MYO1E: variants seen among roughly 807,000 people sequenced by gnomAD.
MYO1E encodes unconventional myosin-Ie.
A neutral mutation model predicts 151.1 loss-of-function variants in MYO1E; 68 were observed. The ratio of observed to expected loss-of-function variants is 0.45; its 90% CI spans 0.37 to 0.55. The LOEUF (loss-of-function observed/expected upper bound fraction) is 0.55, where lower values mean the gene tolerates loss of function less well. Ranked by LOEUF, MYO1E falls within the 20% of genes least tolerant of loss-of-function variation. The pLI is 0.00. For synonymous variants in MYO1E, 601 were observed against 501.7 expected (o/e 1.20, Z -2.64); for missense variants, 1,363 against 1,389.3 (o/e 0.98, Z 0.30).
At chr15:59,195,012 C>G (rs1392686822) in intron 17 of MYO1E, among the ~76,000 whole-genome samples, 5 of 151,952 alleles carry the variant, frequency 3.3e-5, no homozygotes, top group African/African-American at 9.7e-5. Context: ...AGTGTCTTCA[C>G]GAGGCACAGC....
At chr15:59,361,767 T>C (rs1472640447) in intron 1 of MYO1E, among the ~76,000 whole-genome samples, 3 of 152,182 alleles carry the variant, frequency 2.0e-5, no homozygotes. Context: ...CCTTTCCTCT[T>C]TCCCCCTTCA....
intron 18 of MYO1E, among the ~76,000 whole-genome samples, chr15:59,182,745 T>C (rs1348094769): frequency 6.6e-6 from 1 of 152,174 alleles, no homozygotes; most frequent in Non-Finnish European, 1.5e-5. Context: ...CATGGAATCA[T>C]GAAGCTGGCA....
intron 1 of MYO1E, among the ~76,000 whole-genome samples, chr15:59,285,647 C>T (rs892364315): frequency 6.6e-6 from 1 of 151,764 alleles, no homozygotes; most frequent in African/African-American, 2.4e-5. Context: ...CCACGCCCGA[C>T]TAGACACTGT....
intron 26 of MYO1E, among the ~76,000 whole-genome samples, chr15:59,143,321 G>C (rs1234938996): frequency 5.9e-5 from 9 of 152,132 alleles, no homozygotes; most frequent in African/African-American, 2.2e-4. Context: ...TGGATAGTGG[G>C]GACTGTCTGA....
intron 1 of MYO1E, among the ~76,000 whole-genome samples, chr15:59,334,477 TAA>T (rs11287543): frequency 4.6e-3 from 667 of 145,690 alleles, no homozygotes; most frequent in East Asian, 5.2e-3. Context: ...TTGTTTTTCT[TAA>T]AAAAAAAAAA....
chr15:59,186,615 GT>G (rs1290813985), intron 18 of MYO1E, among the ~76,000 whole-genome samples: 1 of 152,136 alleles, frequency 6.6e-6, no homozygotes, highest in Non-Finnish European at 1.5e-5. Flanking sequence ...TCTGGGCATG[GT>G]GATGCATGCC....
chr15:59,287,669 T>C (rs879432115), intron 1 of MYO1E, among the ~76,000 whole-genome samples: 9 of 152,226 alleles, frequency 5.9e-5, no homozygotes, highest in Non-Finnish European at 1.3e-4. Context: ...GGAGTCTGCA[T>C]GTTTTTCCCA....
chr15:59,367,806 A>AGAT (rs2080922904), intron 1 of MYO1E, among the ~76,000 whole-genome samples: 1 of 152,170 alleles, frequency 6.6e-6, no homozygotes, highest in South Asian at 2.1e-4. Context: ...GGCCCCTCTG[A>AGAT]GATGATCAAA....
chr15:59,236,920 A>T (rs2080070468), intron 4 of MYO1E, among the ~76,000 whole-genome samples: 1 of 152,256 alleles, frequency 6.6e-6, no homozygotes, highest in South Asian at 2.1e-4. Flanking sequence ...ACCACTGACC[A>T]TTAAGCATTT....
At chr15:59,333,675 T>A (rs16953417) in intron 1 of MYO1E, among the ~76,000 whole-genome samples, 7,422 of 152,282 alleles carry the variant, frequency 0.049, 226 homozygotes, top group African/African-American at 0.095. Context: ...CAAATGGACT[T>A]CCTACTTCTT....
intron 1 of MYO1E, among the ~76,000 whole-genome samples, chr15:59,339,480 T>C (rs1406122005): frequency 6.6e-6 from 1 of 152,208 alleles, no homozygotes; most frequent in Non-Finnish European, 1.5e-5. Flanking sequence ...ACCCCGATAT[T>C]CACAGTAGTC....
intron 12 of MYO1E, among the ~76,000 whole-genome samples, chr15:59,213,140 TTATTATTATTATTATTA>T (rs1410012497): frequency 1.3e-3 from 33 of 24,530 alleles, no homozygotes; most frequent in African/African-American, 2.1e-3. Flanking sequence ...TATTTATTTA[TTATTATTATTATTATTA>T]TTATTATTAT....
At chr15:59,288,640 G>T (rs553267847) in intron 1 of MYO1E, among the ~76,000 whole-genome samples, 3 of 152,166 alleles carry the variant, frequency 2.0e-5, no homozygotes, top group Non-Finnish European at 4.4e-5. Context: ...GATATTTCAA[G>T]AAAGAGACTG....
chr15:59,206,520 A>G (rs1462506948), intron 14 of MYO1E, among the ~76,000 whole-genome samples: 1 of 152,220 alleles, frequency 6.6e-6, no homozygotes, highest in Non-Finnish European at 1.5e-5. Context: ...ACCAGTACGC[A>G]AAGCATAGAG....
chr15:59,311,857 T>A (rs2080554383), intron 1 of MYO1E, among the ~76,000 whole-genome samples: 2 of 152,184 alleles, frequency 1.3e-5, no homozygotes, highest in South Asian at 4.1e-4. Flanking sequence ...CCTGTCTTGC[T>A]ATCTCTCACA....
chr15:59,229,886 G>A (rs1269338791), intron 6 of MYO1E, among the ~76,000 whole-genome samples: 1 of 151,134 alleles, frequency 6.6e-6, no homozygotes, highest in Non-Finnish European at 1.5e-5. Context: ...AAAAAAACAA[G>A]AACATATTGT....
intron 1 of MYO1E, among the ~76,000 whole-genome samples, chr15:59,293,158 G>A (rs947930823): frequency 5.3e-5 from 8 of 152,044 alleles, no homozygotes; most frequent in South Asian, 2.1e-4. Flanking sequence ...GAAGGGCAAC[G>A]GACAATCACC....
chr15:59,212,426 CTAAA>C (rs1407482805), intron 12 of MYO1E, among the ~76,000 whole-genome samples: 1 of 152,114 alleles, frequency 6.6e-6, no homozygotes, highest in Non-Finnish European at 1.5e-5. Flanking sequence ...ACTTCCATAA[CTAAA>C]TGACCCCAAA....
At chr15:59,281,891 G>C (rs1421800731) in intron 1 of MYO1E, among the ~76,000 whole-genome samples, 1 of 151,546 alleles carries the variant, frequency 6.6e-6, no homozygotes, top group Non-Finnish European at 1.5e-5. Context: ...TTGAGCCCAG[G>C]AGTTCAAGGC....
Sources: gnomAD v4.1 joint callset for allele counts (sites outside exome capture counted in the v4.1 genomes callset) on GRCh38, gnomAD v4.1.1 for gene constraint, MANE v1.5 for transcripts, NCBI Gene and HGNC (gene_info 2026-07-23, HGNC 2026-07-21) for gene names.